Variants in FOXO1 observed in about 807,000 individuals in gnomAD.
FOXO1 encodes forkhead box protein O1.
In FOXO1, 6 loss-of-function variants were observed where a neutral mutation model predicts 44.1. The observed-to-expected ratio is 0.14, with a 90% confidence interval of 0.07 to 0.27. The LOEUF is 0.27. FOXO1 is among the 10% of genes least tolerant of loss of function. The pLI, the probability that FOXO1 is intolerant of heterozygous loss-of-function variation, is 1.00. For missense variants in FOXO1, 737 were observed against 888.8 expected, an observed-to-expected ratio of 0.83 and a Z score of 2.17; for synonymous variants, 380 against 362.7, an observed-to-expected ratio of 1.05 and a Z score of -0.54.
intron 1 of FOXO1, among the ~76,000 whole-genome samples, chr13:40,652,132 AC>A (rs1366285865): frequency 6.6e-6 from 1 of 151,646 alleles, no homozygotes; most frequent in Non-Finnish European, 1.5e-5. Context: ...CTCCCTCCCC[AC>A]TCCCCGTTTA....
chr13:40,592,938 A>G (rs576532426), intron 1 of FOXO1, among the ~76,000 whole-genome samples: 43 of 152,234 alleles, frequency 2.8e-4, no homozygotes, highest in Admixed American at 2.3e-3. Context: ...CACAGCCTAT[A>G]TAAGATAATA....
At chr13:40,663,654 CTT>C (rs1174493322) in intron 1 of FOXO1, among the ~76,000 whole-genome samples, 1 of 152,168 alleles carries the variant, frequency 6.6e-6, no homozygotes, top group Non-Finnish European at 1.5e-5. Context: ...GATTTTGTGA[CTT>C]AATAGAATAT....
chr13:40,558,651 G>C lies in FOXO1; in HGVS notation c.*398C>G. 2.5e-6 allele frequency: 1 copy of C among 393,808 alleles called. No homozygotes were observed. Among genetic ancestry groups the C allele is most frequent in the Non-Finnish European group, 4.5e-6 (1 of 223,294 alleles). The allele number at this position is 393,808 out of a possible 1,614,324, so 24.4% of individuals were successfully genotyped here. A position where few individuals can be genotyped will look rare whatever the true frequency, so the allele number is the denominator to read the frequency against. The stretch of plus-strand genomic sequence containing the variant: ...TACAAAAAGAGTATAAACTTTCCTT[G>C]GACCAATTGGATATTTAGAAAAACC... On this transcript the variant is annotated 3_prime_UTR_variant, in exon 3 of 3. Coordinates refer to ENST00000379561, the MANE Select transcript of FOXO1 (RefSeq NM_002015.4).
intron 1 of FOXO1, among the ~76,000 whole-genome samples, chr13:40,643,012 T>C (rs1877399356): frequency 6.6e-6 from 1 of 152,116 alleles, no homozygotes; most frequent in South Asian, 2.1e-4. Flanking sequence ...CATTTCAAAA[T>C]TGTTAATGTT....
intron 1 of FOXO1, among the ~76,000 whole-genome samples, chr13:40,565,144 T>C (rs750336573): frequency 6.6e-6 from 1 of 152,234 alleles, no homozygotes; most frequent in Non-Finnish European, 1.5e-5. Context: ...ACAAGGAAGA[T>C]ATGGTGTCTT....
intron 1 of FOXO1, among the ~76,000 whole-genome samples, chr13:40,628,322 G>A (rs1013990100): frequency 6.7e-6 from 1 of 150,352 alleles, no homozygotes; most frequent in Admixed American, 6.7e-5. Flanking sequence ...AATATGTGCA[G>A]ATTATACATC....
At chr13:40,571,819 T>C (rs1368551627) in intron 1 of FOXO1, among the ~76,000 whole-genome samples, 1 of 152,214 alleles carries the variant, frequency 6.6e-6, no homozygotes, top group East Asian at 1.9e-4. Context: ...CACAGCATTA[T>C]AACGCAATTA....
chr13:40,571,088 T>C (rs1405825255), intron 1 of FOXO1, among the ~76,000 whole-genome samples: 1 of 152,144 alleles, frequency 6.6e-6, no homozygotes, highest in African/African-American at 2.4e-5. Context: ...CAAATGAATG[T>C]CATCAACCCT....
Position 40,647,466 on chromosome 13 carries a change from G to A in FOXO1, c.630+18117C>T, listed in dbSNP as rs1034383875. On this transcript the variant is annotated intron_variant, in intron 1 of 2. Coordinates refer to ENST00000379561, the MANE Select transcript of FOXO1 (RefSeq NM_002015.4). ...GTCACCTAGGCGGGAGTGCAGTGGC[G>A]TGATCTCAGCTCACTGCAGCCTCCA... 1.2e-4 allele frequency among the ~76,000 whole-genome samples: 18 copies of A among 152,222 alleles called. No individual in the cohort carries two copies. The South Asian group carries it at 1.7e-3, about 14-fold the overall frequency.
chr13:40,583,288 C>G (rs1206960486), intron 1 of FOXO1, among the ~76,000 whole-genome samples: 7 of 152,178 alleles, frequency 4.6e-5, no homozygotes, highest in Admixed American at 4.6e-4. Flanking sequence ...ATTTAGCATA[C>G]TTCTTAAGGG....
At chr13:40,602,581 G>A (rs79701034) in intron 1 of FOXO1, among the ~76,000 whole-genome samples, 1,542 of 152,294 alleles carry the variant, frequency 0.01, 33 homozygotes, top group African/African-American at 0.035. Flanking sequence ...TGAAGGGGGA[G>A]AGATTTATCT....
At chr13:40,663,762 T>C (rs1434643980) in intron 1 of FOXO1, among the ~76,000 whole-genome samples, 1 of 152,240 alleles carries the variant, frequency 6.6e-6, no homozygotes, top group Non-Finnish European at 1.5e-5. Flanking sequence ...GTGATACCTT[T>C]ACTCTAAAAC....
At position 40,660,171 on chromosome 13, in the gene FOXO1, T is replaced by TG. The variant is rs966814352; in HGVS notation, c.630+5411dup. 3.9e-5 allele frequency among the ~76,000 whole-genome samples: 6 copies of TG among 152,102 alleles called. No individual in the cohort carries two copies. In the South Asian group the frequency reaches 6.2e-4, roughly 16 times the overall value. On this transcript the variant is annotated intron_variant, in intron 1 of 2. Coordinates refer to ENST00000379561, the MANE Select transcript of FOXO1 (RefSeq NM_002015.4). The stretch of plus-strand genomic sequence containing the variant: ...TGGTTATATGACCCCAGGGAGATCC[T>TG]GGGGGGGCTGGGCAAGTCTCTGCAA...
intron 1 of FOXO1, among the ~76,000 whole-genome samples, chr13:40,580,402 G>A (rs1354748550): frequency 2.6e-5 from 4 of 152,144 alleles, no homozygotes; most frequent in Admixed American, 1.3e-4. Flanking sequence ...AGTGGCTGAG[G>A]AGCGTGGGCT....
chr13:40,633,766 A>C (rs1877052925), intron 1 of FOXO1, among the ~76,000 whole-genome samples: 1 of 152,234 alleles, frequency 6.6e-6, no homozygotes, highest in African/African-American at 2.4e-5. Context: ...AGATCTCAAT[A>C]AAGCTATTAT....
At chr13:40,651,224 G>T (rs9532575) in intron 1 of FOXO1, among the ~76,000 whole-genome samples, 1 of 151,686 alleles carries the variant, frequency 6.6e-6, no homozygotes, top group Non-Finnish European at 1.5e-5. Flanking sequence ...CAGGCACACA[G>T]TACTCTCTCT....
chr13:40,618,656 G>A, intron 1 of FOXO1: 1 of 378,594 alleles, frequency 2.6e-6, no homozygotes, highest in Admixed American at 3.1e-5. Flanking sequence ...TCTCCAAAAA[G>A]GCACAAACAA....
chr13:40,632,799 G>C (rs150949094), intron 1 of FOXO1, among the ~76,000 whole-genome samples: 1 of 151,518 alleles, frequency 6.6e-6, no homozygotes, highest in South Asian at 2.1e-4. Flanking sequence ...AAAAAAATTA[G>C]CTGGGCATAG....
rs369078513 is a variant in FOXO1 at position 40,560,054 on chromosome 13, T to C, written c.1437A>G (p.Pro479=). The change falls in exon 2 of 3, where the codon CCA becomes CCG. Residue 479 remains proline, a synonymous_variant. Transcript: ENST00000379561. This position sits in a 1 kb window ranked among gnomAD's most constrained non-coding sequence, Gnocchi z 5.1. Reference sequence around the variant, plus strand: ...TGGGCTGGGCTACCCCAGGATCAACTGGTGTCATAATGTCATTATGGGGAG... The same window carrying C: ...TGGGCTGGGCTACCCCAGGATCAACCGGTGTCATAATGTCATTATGGGGAG... ...DSPPHNDIMT[P]VDPGVAQPNS... The C allele has an allele frequency of 3.1e-6, 5 of 1,614,164 alleles. No individual in the cohort carries two copies. Among genetic ancestry groups the C allele is most frequent in the Non-Finnish European group, 4.2e-6 (5 of 1,180,030 alleles).
Sources: gnomAD v4.1 joint callset for allele counts (sites outside exome capture counted in the v4.1 genomes callset) on GRCh38, gnomAD v4.1.1 for gene constraint, Gnocchi (gnomAD v3.1) non-coding constraint, MANE v1.5 for transcripts, NCBI Gene and HGNC (gene_info 2026-07-23, HGNC 2026-07-21) for gene names.